The following CTNNA3 variants were observed in gnomAD, a reference collection of about 807,000 sequenced individuals.
The protein encoded by CTNNA3 is catenin alpha-3.
CTNNA3 carries 76 observed loss-of-function variants against 95.7 expected under a neutral mutation model. That is an observed-to-expected ratio of 0.79 (90% CI 0.66 to 0.96). The LOEUF (loss-of-function observed/expected upper bound fraction) is 0.96, where lower values mean the gene tolerates loss of function less well. Among genes scored for constraint, CTNNA3 ranks in the 40% least tolerant of loss-of-function variants. The probability of loss-of-function intolerance (pLI) is 0.00; values close to 1 mark genes in which losing one functional copy is unlikely to be tolerated. For synonymous variants in CTNNA3, 431 were observed against 374.4 expected (o/e 1.15, Z -1.74); for missense variants, 1,191 against 1,089.8 (o/e 1.09, Z -1.31).
intron 9 of CTNNA3, among the ~76,000 whole-genome samples, chr10:66,761,590 A>G (rs535254258): frequency 6.6e-6 from 1 of 152,254 alleles, no homozygotes; most frequent in South Asian, 2.1e-4. Context: ...AAAGAGTGAA[A>G]TTTTTCAAAA....
intron 10 of CTNNA3, among the ~76,000 whole-genome samples, chr10:66,588,124 C>A (rs1409743223): frequency 6.6e-6 from 1 of 151,934 alleles, no homozygotes; most frequent in Non-Finnish European, 1.5e-5. Flanking sequence ...ATCCTGATAC[C>A]GCTTCTTCTC....
At chr10:67,504,018 A>G (rs560056642) in intron 5 of CTNNA3, among the ~76,000 whole-genome samples, 128 of 150,298 alleles carry the variant, frequency 8.5e-4, no homozygotes, top group Admixed American at 5.6e-3. Context: ...TCAGCTGGGC[A>G]TGGTGGTGGG....
intron 1 of CTNNA3, among the ~76,000 whole-genome samples, chr10:67,724,630 C>T (rs573472684): frequency 6.6e-6 from 1 of 152,296 alleles, no homozygotes; most frequent in Non-Finnish European, 1.5e-5. Flanking sequence ...CCAATGGGGG[C>T]AAGGAGCTGA....
chr10:67,342,680 T>C (rs189118521), intron 5 of CTNNA3, among the ~76,000 whole-genome samples: 2 of 152,298 alleles, frequency 1.3e-5, no homozygotes, highest in Admixed American at 1.3e-4. Flanking sequence ...CCCAGCAGCA[T>C]TTATTGAAGA....
intron 9 of CTNNA3, among the ~76,000 whole-genome samples, chr10:66,699,315 A>G (rs1410274095): frequency 1.3e-5 from 2 of 152,102 alleles, no homozygotes; most frequent in South Asian, 4.1e-4. Context: ...TAACTGTACC[A>G]ATTTCCATTA....
chr10:66,055,300 A>G (rs1255733610), intron 15 of CTNNA3, among the ~76,000 whole-genome samples: 1 of 152,164 alleles, frequency 6.6e-6, no homozygotes, highest in Non-Finnish European at 1.5e-5. Context: ...GAATTTGTAG[A>G]CTGCTTTGGG....
At chr10:66,519,479 GT>G (rs1005188704) in intron 11 of CTNNA3, among the ~76,000 whole-genome samples, 1 of 152,146 alleles carries the variant, frequency 6.6e-6, no homozygotes, top group Non-Finnish European at 1.5e-5. Flanking sequence ...AAAGGGAAAA[GT>G]CAAGCTGGGA....
chr10:66,427,953 C>T (rs4746587), intron 11 of CTNNA3, among the ~76,000 whole-genome samples: 40,151 of 151,866 alleles, frequency 0.26, 5,463 homozygotes, highest in South Asian at 0.39. Flanking sequence ...AAGACACAGA[C>T]TGGCAAATTG....
intron 12 of CTNNA3, among the ~76,000 whole-genome samples, chr10:66,345,814 A>T (rs551549198): frequency 6.6e-6 from 1 of 151,996 alleles, no homozygotes; most frequent in African/African-American, 2.4e-5. Flanking sequence ...GGTGGCTCAC[A>T]CCTGTAATCC....
At chr10:67,036,750 T>C (rs571412952) in intron 7 of CTNNA3, among the ~76,000 whole-genome samples, 2 of 152,306 alleles carry the variant, frequency 1.3e-5, no homozygotes, top group African/African-American at 4.8e-5. Flanking sequence ...ATATTATCTT[T>C]TTTCAATTCT....
At chr10:67,358,368 A>G (rs1014435490) in intron 5 of CTNNA3, among the ~76,000 whole-genome samples, 41 of 152,312 alleles carry the variant, frequency 2.7e-4, no homozygotes, top group African/African-American at 9.4e-4. Flanking sequence ...CACAGCCAGG[A>G]AACATCTGTC....
intron 1 of CTNNA3, among the ~76,000 whole-genome samples, chr10:67,650,049 C>T (rs948405992): frequency 5.9e-5 from 9 of 152,026 alleles, no homozygotes; most frequent in African/African-American, 1.7e-4. Flanking sequence ...ATGTTGGTCA[C>T]GCTGGTCTTG....
chr10:66,821,064 A>C (rs1223412787), intron 7 of CTNNA3, among the ~76,000 whole-genome samples: 1 of 152,130 alleles, frequency 6.6e-6, no homozygotes, highest in Non-Finnish European at 1.5e-5. Context: ...TTAATTATGG[A>C]TATACCTGAA....
Position 66,088,202 on chromosome 10 carries a change from A to T in CTNNA3, c.1977+14955T>A, listed in dbSNP as rs560794728. ...CAGAATACCTTTATTTTCATAAAAT[A>T]TTGTTTCATATACCAAAGATTTTGA... On this transcript the variant is annotated intron_variant, in intron 14 of 17. Coordinates refer to ENST00000433211, the MANE Select transcript of CTNNA3 (RefSeq NM_013266.4). Among the ~76,000 whole-genome samples, 85 of 152,104 alleles carry T rather than the reference A, an allele frequency of 5.6e-4. 1 individual carries two copies. In the Middle Eastern group the frequency reaches 0.02, roughly 37 times the overall value.
intron 4 of CTNNA3, among the ~76,000 whole-genome samples, chr10:67,538,323 C>G (rs1398066721): frequency 6.6e-6 from 1 of 152,030 alleles, no homozygotes; most frequent in Non-Finnish European, 1.5e-5. Flanking sequence ...CACCTGTAAT[C>G]CCAGCACTTT....
At chr10:66,166,373 A>G (rs1243497983) in intron 13 of CTNNA3, among the ~76,000 whole-genome samples, 1 of 151,934 alleles carries the variant, frequency 6.6e-6, no homozygotes, top group African/African-American at 2.4e-5. Context: ...GGGCACCTAT[A>G]ATCCCAGCTA....
rs796979904 is a variant in CTNNA3, at chr10:66,866,719, A to T, written c.1048-91195T>A. On this transcript the variant is annotated intron_variant, in intron 7 of 17. Coordinates refer to ENST00000433211, the MANE Select transcript of CTNNA3 (RefSeq NM_013266.4). ...TGGCACTCCCATGGCAGAACTGTTT[A>T]AATGATGAAATTTCATTTATAGCAA... is the stretch of plus-strand genomic sequence containing the variant. Among the ~76,000 whole-genome samples the T allele has an allele frequency of 7.9e-5, 12 of 152,358 alleles. 1 individual carries two copies. The highest frequency in any genetic ancestry group is 2.9e-4 in the African/African-American group (12 of 41,592).
At chr10:65,971,370 C>T (rs1589195225) in intron 16 of CTNNA3, among the ~76,000 whole-genome samples, 1 of 126,394 alleles carries the variant, frequency 7.9e-6, no homozygotes, top group Non-Finnish European at 1.6e-5. Context: ...CAATGAAGAC[C>T]AAAGTTGTGT....
intron 10 of CTNNA3, among the ~76,000 whole-genome samples, chr10:66,608,711 G>A (rs1420940899): frequency 6.6e-6 from 1 of 152,098 alleles, no homozygotes; most frequent in Admixed American, 6.5e-5. Context: ...TTCAATAAAT[G>A]GTGCTGAGAT....
Sources: gnomAD v4.1 joint callset for allele counts (sites outside exome capture counted in the v4.1 genomes callset) on GRCh38, gnomAD v4.1.1 for gene constraint, MANE v1.5 for transcripts, NCBI Gene and HGNC (gene_info 2026-07-23, HGNC 2026-07-21) for gene names.